SH3RF3: variants seen among roughly 807,000 people sequenced by gnomAD.
The protein encoded by SH3RF3 is E3 ubiquitin-protein ligase SH3RF3.
SH3RF3 carries 29 observed loss-of-function variants against 66.3 expected under a neutral mutation model. The observed-to-expected ratio is 0.44, with a 90% CI of 0.33 to 0.60. SH3RF3 has a LOEUF of 0.60. Ranked by LOEUF, SH3RF3 falls within the 20% of genes least tolerant of loss-of-function variation. SH3RF3 has a pLI of 0.04. For missense variants in SH3RF3, 1,194 were observed against 1,190.9 expected, an observed-to-expected ratio of 1.00 and a Z score of -0.04; for synonymous variants, 583 against 532.0, an observed-to-expected ratio of 1.10 and a Z score of -1.32.
At chr2:109,148,103 G>A (rs1677140904) in intron 1 of SH3RF3, among the ~76,000 whole-genome samples, 2 of 152,198 alleles carry the variant, frequency 1.3e-5, no homozygotes. Context: ...TGCCAGCCGG[G>A]TCCTACACAG....
intron 5 of SH3RF3, among the ~76,000 whole-genome samples, chr2:109,429,932 G>A (rs148617764): frequency 1.3e-5 from 2 of 152,274 alleles, no homozygotes; most frequent in Non-Finnish European, 1.5e-5. Flanking sequence ...GTCAGCGGGT[G>A]TAGCCGCAGC....
intron 1 of SH3RF3, among the ~76,000 whole-genome samples, chr2:109,176,397 G>C (rs1677915508): frequency 6.6e-6 from 1 of 152,194 alleles, no homozygotes; most frequent in Non-Finnish European, 1.5e-5. Flanking sequence ...ATGGAATGCT[G>C]TGTTTTTAGG....
intron 1 of SH3RF3, among the ~76,000 whole-genome samples, chr2:109,260,724 A>T (rs2105288863): frequency 6.6e-6 from 1 of 152,294 alleles, no homozygotes; most frequent in African/African-American, 2.4e-5. Flanking sequence ...TTATGGCCTG[A>T]TACTGTCCAT....
intron 9 of SH3RF3, 42 bp downstream of exon 9, chr2:109,490,978 T>C (rs1413428309): frequency 7.1e-7 from 1 of 1,412,506 alleles, no homozygotes; most frequent in African/African-American, 1.4e-5. Flanking sequence ...TGCTGTGGTT[T>C]GGCCTCTGAG....
At chr2:109,495,593 A>G (rs961153542) in intron 9 of SH3RF3, among the ~76,000 whole-genome samples, 1 of 141,070 alleles carries the variant, frequency 7.1e-6, no homozygotes, top group Non-Finnish European at 1.5e-5. Flanking sequence ...GATTTAAGCA[A>G]TTCTTGTGCC....
At chr2:109,237,964 G>T (rs1471181818) in intron 1 of SH3RF3, among the ~76,000 whole-genome samples, 1 of 152,170 alleles carries the variant, frequency 6.6e-6, no homozygotes, top group African/African-American at 2.4e-5. Flanking sequence ...ACCACGCAAT[G>T]GCTCATGCTT....
chr2:109,457,090 C>G (rs1269751483), intron 8 of SH3RF3, among the ~76,000 whole-genome samples: 2 of 152,222 alleles, frequency 1.3e-5, no homozygotes, highest in Non-Finnish European at 2.9e-5. Context: ...TTCCATGCCT[C>G]AGTTTCCACA....
intron 1 of SH3RF3, among the ~76,000 whole-genome samples, chr2:109,303,149 T>A (rs1681510791): frequency 6.6e-6 from 1 of 152,206 alleles, no homozygotes; most frequent in East Asian, 1.9e-4. Context: ...GTGCTAGGAC[T>A]GCAGGCGTGA....
intron 1 of SH3RF3, among the ~76,000 whole-genome samples, chr2:109,282,589 G>A (rs992932750): frequency 3.3e-5 from 5 of 152,204 alleles, no homozygotes; most frequent in Non-Finnish European, 5.9e-5. Context: ...CCAGGAGAAC[G>A]GCGCACAGAG....
chr2:109,185,839 G>C (rs1678174087), intron 1 of SH3RF3, among the ~76,000 whole-genome samples: 1 of 152,282 alleles, frequency 6.6e-6, no homozygotes, highest in Non-Finnish European at 1.5e-5. Context: ...TGAGGCGACA[G>C]TGTCTTGTAA....
chr2:109,396,661 T>C (rs559295359), intron 3 of SH3RF3, among the ~76,000 whole-genome samples: 6 of 152,352 alleles, frequency 3.9e-5, no homozygotes, highest in Non-Finnish European at 8.8e-5. Context: ...TTGACAGCAT[T>C]GAGGGGAATC....
intron 1 of SH3RF3, among the ~76,000 whole-genome samples, chr2:109,316,977 A>G (rs1046154780): frequency 6.6e-6 from 1 of 151,726 alleles, no homozygotes; most frequent in African/African-American, 2.4e-5. Context: ...TCATGGCTTC[A>G]TAGTTGATTT....
intron 1 of SH3RF3, among the ~76,000 whole-genome samples, chr2:109,147,253 G>A (rs1677121236): frequency 1.3e-5 from 2 of 152,106 alleles, no homozygotes; most frequent in African/African-American, 2.4e-5. Context: ...AGGTTTGCTC[G>A]AAAGATGTAA....
intron 1 of SH3RF3, among the ~76,000 whole-genome samples, chr2:109,235,613 GTTGT>G (rs1236995629): frequency 2.0e-5 from 3 of 152,234 alleles, no homozygotes; most frequent in Non-Finnish European, 4.4e-5. Context: ...CTCGAAGGCT[GTTGT>G]TTGTTTGTTT....
intron 8 of SH3RF3, among the ~76,000 whole-genome samples, chr2:109,484,114 G>A (rs982191980): frequency 7.4e-5 from 11 of 149,592 alleles, no homozygotes; most frequent in Non-Finnish European, 1.2e-4. Flanking sequence ...TGTCTCCTAG[G>A]CTGGAGTGCA....
chr2:109,272,263 C>T lies in SH3RF3; in HGVS notation c.574-75411C>T, dbSNP rs143934941. Among the ~76,000 whole-genome samples the T allele has an allele frequency of 1.7e-3, 265 of 152,336 alleles. 1 individual carries two copies. The highest frequency in any genetic ancestry group is 6.0e-3 in the African/African-American group (251 of 41,576). ...TTGCTTGTCTAGGTGAAATCTCTAG[C>T]AATTGCCCAACCAAAAACTGGGTCT... is the stretch of plus-strand genomic sequence containing the variant. On this transcript the variant is annotated intron_variant, in intron 1 of 9. Coordinates refer to ENST00000309415, the MANE Select transcript of SH3RF3 (RefSeq NM_001099289.3).
chr2:109,460,162 G>A (rs567811382), intron 8 of SH3RF3, among the ~76,000 whole-genome samples: 1 of 152,218 alleles, frequency 6.6e-6, no homozygotes, highest in Admixed American at 6.5e-5. Flanking sequence ...AAGCAGTGCT[G>A]TGTGGAATAC....
intron 1 of SH3RF3, among the ~76,000 whole-genome samples, chr2:109,175,171 A>G (rs1268430867): frequency 6.6e-6 from 1 of 152,142 alleles, no homozygotes; most frequent in African/African-American, 2.4e-5. Context: ...CAGACTAGAA[A>G]TTGGAGTCCA....
intron 3 of SH3RF3, among the ~76,000 whole-genome samples, chr2:109,395,740 AG>A (rs1458038183): frequency 6.6e-6 from 1 of 152,162 alleles, no homozygotes. Flanking sequence ...GGCACTGCTG[AG>A]GGGCCAGGCA....
Sources: gnomAD v4.1 joint callset for allele counts (sites outside exome capture counted in the v4.1 genomes callset) on GRCh38, gnomAD v4.1.1 for gene constraint, MANE v1.5 for transcripts, NCBI Gene and HGNC (gene_info 2026-07-23, HGNC 2026-07-21) for gene names.